ZBTB2: variants seen among roughly 807,000 people sequenced by gnomAD.
The protein encoded by ZBTB2 is zinc finger and BTB domain-containing protein 2.
In ZBTB2, 2 loss-of-function variants were observed where a neutral mutation model predicts 39.5. The ratio of observed to expected loss-of-function variants is 0.05; its 90% CI spans 0.02 to 0.16. The LOEUF (loss-of-function observed/expected upper bound fraction) is 0.16, where lower values mean the gene tolerates loss of function less well. Ranked by LOEUF, ZBTB2 falls within the 10% of genes least tolerant of loss-of-function variation. The pLI, the probability that ZBTB2 is intolerant of heterozygous loss-of-function variation, is 1.00. For synonymous variants in ZBTB2, 251 were observed against 256.6 expected (o/e 0.98, Z 0.21); for missense variants, 391 against 653.0 (o/e 0.60, Z 4.37).
rs778224267 is a variant in ZBTB2, at chr6:151,365,410, G to T, written c.*111C>A. On this transcript the variant is annotated 3_prime_UTR_variant, in exon 3 of 3. Transcript: ENST00000325144. This position sits in a 1 kb window ranked among gnomAD's most constrained non-coding sequence, Gnocchi z 5.6. Reference sequence around the variant, plus strand: ...TGTGGAAAAGGGGAAGAGGAGAAGAGAACAAGGACCTGTTTGTATCATGCC... The same window carrying T: ...TGTGGAAAAGGGGAAGAGGAGAAGATAACAAGGACCTGTTTGTATCATGCC... 4 of 1,284,170 alleles carry T rather than the reference G, an allele frequency of 3.1e-6. No individual in the cohort carries two copies. The highest frequency in any genetic ancestry group is 4.3e-6 in the Non-Finnish European group (4 of 929,082). 79.5% of individuals were successfully genotyped at this position (1,284,170 alleles called of 1,614,324 possible).
chr6:151,376,070 T>C (rs1342056920), intron 1 of ZBTB2, among the ~76,000 whole-genome samples: 1 of 152,070 alleles, frequency 6.6e-6, no homozygotes, highest in Admixed American at 6.6e-5. Context: ...ACAAAAGCAA[T>C]TCAGTGGAGG....
chr6:151,366,168 C>G lies in ZBTB2; in HGVS notation c.898G>C (p.Ala300Pro), dbSNP rs768540407. 2 of 1,614,166 alleles carry G rather than the reference C, an allele frequency of 1.2e-6. No homozygotes were observed. The highest frequency in any genetic ancestry group is 1.7e-6 in the Non-Finnish European group (2 of 1,180,050). ...RVPLTLCSNA[A>P]DLGKDAMEVP... ...TCCATGGCATCTTTCCCGAGGTCAG[C>G]TGCATTGCTACAGAGAGTCAGGGGG... The change falls in exon 3 of 3, where the codon GCT becomes CCT. Residue 300 changes from alanine to proline, a missense_variant. By Grantham distance (27) the Ala-to-Pro change is conservative. Transcript: ENST00000325144. This position sits in a 1 kb window ranked among gnomAD's most constrained non-coding sequence, Gnocchi z 7.1.
intron 1 of ZBTB2, among the ~76,000 whole-genome samples, chr6:151,391,001 C>T (rs1200535146): frequency 6.8e-6 from 1 of 146,634 alleles, no homozygotes; most frequent in Admixed American, 6.7e-5. Context: ...ACGCGAATCG[C>T]CCCCCTCCCC....
intron 2 of ZBTB2, among the ~76,000 whole-genome samples, chr6:151,369,017 C>G (rs1778718582): frequency 6.6e-6 from 1 of 152,148 alleles, no homozygotes. Context: ...CCCATCTCGG[C>G]CTCCCAAAGT....
intron 1 of ZBTB2, among the ~76,000 whole-genome samples, chr6:151,386,659 T>C (rs1456673371): frequency 6.6e-6 from 1 of 152,238 alleles, no homozygotes; most frequent in East Asian, 1.9e-4. Context: ...CACCTAAATG[T>C]GTAGTTCAGG....
chr6:151,377,426 T>C (rs1778938190), intron 1 of ZBTB2, among the ~76,000 whole-genome samples: 1 of 150,078 alleles, frequency 6.7e-6, no homozygotes, highest in African/African-American at 2.5e-5. Context: ...TGGAGTGCAA[T>C]GGCACCATCT....
chr6:151,371,308 G>C (rs1241311122), intron 2 of ZBTB2, among the ~76,000 whole-genome samples: 15 of 152,230 alleles, frequency 9.9e-5, no homozygotes, highest in Admixed American at 9.8e-4. Context: ...AAACTTACAA[G>C]TGAAGAAGGG....
chr6:151,387,274 C>A (rs1211460187), intron 1 of ZBTB2, among the ~76,000 whole-genome samples: 3 of 152,062 alleles, frequency 2.0e-5, no homozygotes, highest in Non-Finnish European at 4.4e-5. Context: ...GATCATTTAC[C>A]CACTCATGAT....
chr6:151,379,598 C>T (rs1289390554), intron 1 of ZBTB2, among the ~76,000 whole-genome samples: 5 of 125,052 alleles, frequency 4.0e-5, no homozygotes, highest in East Asian at 5.2e-4. Flanking sequence ...GCCATGTTAG[C>T]GTGCACTCTA....
intron 1 of ZBTB2, among the ~76,000 whole-genome samples, chr6:151,382,613 C>T (rs930462272): frequency 1.6e-4 from 24 of 149,926 alleles, no homozygotes; most frequent in African/African-American, 3.4e-4. Context: ...TGAAATGGCG[C>T]GCAATCTTGG....
chr6:151,370,740 G>A (rs1266359607), intron 2 of ZBTB2, among the ~76,000 whole-genome samples: 1 of 152,194 alleles, frequency 6.6e-6, no homozygotes, highest in Non-Finnish European at 1.5e-5. Flanking sequence ...AGGCAGCAGT[G>A]TGTCATGCCC....
At chr6:151,388,432 G>A (rs907506543) in intron 1 of ZBTB2, among the ~76,000 whole-genome samples, 2 of 152,230 alleles carry the variant, frequency 1.3e-5, no homozygotes, top group East Asian at 3.8e-4. Flanking sequence ...TATTTTGTAA[G>A]TCTCAAATTG....
chr6:151,371,847 G>A (rs1399220760), intron 2 of ZBTB2, among the ~76,000 whole-genome samples: 4 of 152,210 alleles, frequency 2.6e-5, no homozygotes, highest in Admixed American at 2.6e-4. Context: ...AGTGACAAAT[G>A]TGAAAGGTAA....
At chr6:151,381,986 G>A (rs2114874525) in intron 1 of ZBTB2, among the ~76,000 whole-genome samples, 1 of 152,190 alleles carries the variant, frequency 6.6e-6, no homozygotes, top group East Asian at 1.9e-4. Context: ...CATCCTAAAG[G>A]TACTTCCACA....
intron 1 of ZBTB2, among the ~76,000 whole-genome samples, chr6:151,384,353 C>A (rs1779105828): frequency 6.6e-6 from 1 of 152,050 alleles, no homozygotes; most frequent in Non-Finnish European, 1.5e-5. Context: ...CGGAACTAAT[C>A]AAGCTGGGGA....
intron 1 of ZBTB2, among the ~76,000 whole-genome samples, chr6:151,389,063 T>C (rs1211641015): frequency 6.6e-6 from 1 of 152,226 alleles, no homozygotes; most frequent in African/African-American, 2.4e-5. Context: ...ACCACAAGTT[T>C]ATTAAATGAG....
intron 1 of ZBTB2, among the ~76,000 whole-genome samples, chr6:151,385,436 G>C (rs1190205315): frequency 6.6e-6 from 1 of 152,162 alleles, no homozygotes; most frequent in Non-Finnish European, 1.5e-5. Flanking sequence ...CATCCTTTTA[G>C]AAGTGCAGAA....
intron 1 of ZBTB2, among the ~76,000 whole-genome samples, chr6:151,388,587 G>T (rs551405703): frequency 6.6e-5 from 10 of 152,206 alleles, no homozygotes; most frequent in Admixed American, 5.2e-4. Flanking sequence ...GGTTGGTTTT[G>T]AACTCTTGGC....
chr6:151,364,618 TAC>T lies in ZBTB2; in HGVS notation c.*901_*902del, dbSNP rs1197374018. 1 of 152,236 alleles carries T rather than the reference TAC, an allele frequency of 6.6e-6. No individual in the cohort carries two copies. Among genetic ancestry groups the T allele is most frequent in the African/African-American group, 2.4e-5 (1 of 41,464 alleles). The allele number at this position is 152,236 out of a possible 1,614,324, so 9.4% of individuals were successfully genotyped here. A position where few individuals can be genotyped will look rare whatever the true frequency, so the allele number is the denominator to read the frequency against. On this transcript the variant is annotated 3_prime_UTR_variant, in exon 3 of 3. Coordinates refer to ENST00000325144, the MANE Select transcript of ZBTB2 (RefSeq NM_020861.3). ...TATTCCTATATCCTTTTCCCTGCAGTACACACACTGATTTAAAAGTTAGTGTA... is the reference window on the plus strand; with the variant it reads ...TATTCCTATATCCTTTTCCCTGCAGTACACACTGATTTAAAAGTTAGTGTA...
Sources: gnomAD v4.1 joint callset for allele counts (sites outside exome capture counted in the v4.1 genomes callset) on GRCh38, gnomAD v4.1.1 for gene constraint, Gnocchi (gnomAD v3.1) non-coding constraint, MANE v1.5 for transcripts, NCBI Gene and HGNC (gene_info 2026-07-23, HGNC 2026-07-21) for gene names.